STAG1: variants seen among roughly 807,000 people sequenced by gnomAD.
STAG1 encodes the protein STAG1 cohesin complex component.
In STAG1, 26 loss-of-function variants were observed where a neutral mutation model predicts 170.9. The ratio of observed to expected loss-of-function variants is 0.15; its 90% CI spans 0.11 to 0.21. The LOEUF (loss-of-function observed/expected upper bound fraction) is 0.21. Ranked by LOEUF, STAG1 falls within the 10% of genes least tolerant of loss-of-function variation. The probability of loss-of-function intolerance (pLI) is 1.00; values close to 1 mark genes in which losing one functional copy is unlikely to be tolerated. For missense variants in STAG1, 964 were observed against 1,509.5 expected, an observed-to-expected ratio of 0.64 and a Z score of 5.99; for synonymous variants, 514 against 497.7, an observed-to-expected ratio of 1.03 and a Z score of -0.44.
At chr3:136,721,814 C>G (rs1933292732) in intron 1 of STAG1, among the ~76,000 whole-genome samples, 1 of 151,820 alleles carries the variant, frequency 6.6e-6, no homozygotes, top group Admixed American at 6.6e-5. Flanking sequence ...GTCCTAGCTA[C>G]TCGGGAGGCT....
chr3:136,640,736 G>A (rs1306781876), intron 1 of STAG1, among the ~76,000 whole-genome samples: 1 of 148,266 alleles, frequency 6.7e-6, no homozygotes, highest in Non-Finnish European at 1.5e-5. Flanking sequence ...ACAGTGGCGC[G>A]ATTTTGGCTT....
chr3:136,682,487 A>G (rs1206693154), intron 1 of STAG1, among the ~76,000 whole-genome samples: 1 of 150,836 alleles, frequency 6.6e-6, no homozygotes, highest in Admixed American at 6.6e-5. Context: ...AGAGGTGAGA[A>G]AGAGAACTAA....
chr3:136,522,030 C>T (rs1368907625), intron 6 of STAG1, among the ~76,000 whole-genome samples: 1 of 152,150 alleles, frequency 6.6e-6, no homozygotes, highest in African/African-American at 2.4e-5. Context: ...GTTGTGTCAT[C>T]TTGTTTTAAA....
Position 136,398,770 on chromosome 3 carries a change from A to T in STAG1, c.2256T>A (p.Ile752=). The change falls in exon 22 of 34, where the codon ATT becomes ATA. Residue 752 remains isoleucine (I), a synonymous_variant. Transcript: ENST00000383202. ...HYSILWQLVK[I]TDGSPSKEDL... ...TTACTTTGGAAGGAGAGCCATCAGT[A>T]ATTTTCACCAACTGCCAAAGAATCG... The T allele has an allele frequency of 6.2e-7, 1 of 1,604,198 alleles. No homozygotes were observed. The highest frequency in any genetic ancestry group is 8.5e-7 in the Non-Finnish European group (1 of 1,174,478).
chr3:136,589,763 T>C (rs909105976), intron 4 of STAG1, among the ~76,000 whole-genome samples: 1 of 151,126 alleles, frequency 6.6e-6, no homozygotes. Flanking sequence ...AAACGCTGTC[T>C]CTACTAAAAA....
At chr3:136,598,726 C>T (rs972571529) in intron 4 of STAG1, among the ~76,000 whole-genome samples, 5 of 152,080 alleles carry the variant, frequency 3.3e-5, no homozygotes, top group African/African-American at 9.7e-5. Context: ...CGCGCCCGGC[C>T]AATACAAACT....
intron 28 of STAG1, among the ~76,000 whole-genome samples, chr3:136,349,966 C>T (rs1309732919): frequency 6.6e-6 from 1 of 151,908 alleles, no homozygotes; most frequent in Non-Finnish European, 1.5e-5. Context: ...ATCAACCTGG[C>T]ACAACCCTAT....
intron 12 of STAG1, among the ~76,000 whole-genome samples, chr3:136,466,378 C>T (rs575506398): frequency 5.3e-5 from 8 of 152,038 alleles, no homozygotes; most frequent in South Asian, 2.1e-4. Context: ...GTAGCCAATT[C>T]GATCAACTGG....
intron 5 of STAG1, 127 bp from the exon 6 acceptor site, chr3:136,542,322 T>A: frequency 1.5e-6 from 1 of 673,430 alleles, no homozygotes; most frequent in Non-Finnish European, 2.5e-6. Context: ...TATTTTATAT[T>A]AAAACATAAA....
At chr3:136,592,259 G>T (rs1396273988) in intron 4 of STAG1, among the ~76,000 whole-genome samples, 2 of 152,082 alleles carry the variant, frequency 1.3e-5, no homozygotes, top group Non-Finnish European at 2.9e-5. Flanking sequence ...TCATGGGATG[G>T]ACCCAGTAGG....
chr3:136,490,556 C>A (rs1313457328), intron 9 of STAG1, among the ~76,000 whole-genome samples: 1 of 152,010 alleles, frequency 6.6e-6, no homozygotes, highest in Admixed American at 6.6e-5. Flanking sequence ...GATTAAAAAT[C>A]AAATGTCAAA....
At chr3:136,370,345 CTTTTT>C (rs769189953) in intron 23 of STAG1, among the ~76,000 whole-genome samples, 1 of 151,702 alleles carries the variant, frequency 6.6e-6, no homozygotes, top group Non-Finnish European at 1.5e-5. Flanking sequence ...GTATGTGTTT[CTTTTT>C]TTAATTTTAT....
chr3:136,504,653 C>T (rs1387648354), intron 7 of STAG1, among the ~76,000 whole-genome samples: 2 of 152,050 alleles, frequency 1.3e-5, no homozygotes, highest in Admixed American at 6.6e-5. Flanking sequence ...GAAGTGACAC[C>T]CAAAGGAGCT....
intron 16 of STAG1, among the ~76,000 whole-genome samples, chr3:136,428,995 G>A (rs1291462911): frequency 6.6e-6 from 1 of 151,674 alleles, no homozygotes; most frequent in African/African-American, 2.4e-5. Flanking sequence ...AACTAGCTAG[G>A]CGTGGTGGCA....
intron 7 of STAG1, among the ~76,000 whole-genome samples, chr3:136,512,593 T>A (rs1439379617): frequency 6.6e-6 from 1 of 152,164 alleles, no homozygotes; most frequent in African/African-American, 2.4e-5. Flanking sequence ...TTGGTTTGTG[T>A]GAGTGCCCTG....
intron 14 of STAG1, among the ~76,000 whole-genome samples, chr3:136,444,925 A>G (rs1045353852): frequency 9.9e-5 from 15 of 152,026 alleles, no homozygotes; most frequent in Non-Finnish European, 2.9e-5. Flanking sequence ...CACTGGCACA[A>G]TCACGGCTCA....
At chr3:136,719,639 G>A (rs1933094320) in intron 1 of STAG1, among the ~76,000 whole-genome samples, 1 of 128,116 alleles carries the variant, frequency 7.8e-6, no homozygotes. Context: ...GGGTAGGTGG[G>A]TAGGTGGGTA....
chr3:136,690,056 C>CAAAAAAAAAAA (rs57082567), intron 1 of STAG1, among the ~76,000 whole-genome samples: 69 of 56,288 alleles, frequency 1.2e-3, no homozygotes, highest in African/African-American at 2.3e-3. Flanking sequence ...AAAAGCAAAC[C>CAAAAAAAAAAA]AAAAAAAAAA....
At chr3:136,527,816 A>C (rs1380665207) in intron 6 of STAG1, among the ~76,000 whole-genome samples, 1 of 152,112 alleles carries the variant, frequency 6.6e-6, no homozygotes, top group Non-Finnish European at 1.5e-5. Context: ...CAAGACCCTC[A>C]GCTGCAGGTC....
Sources: allele counts gnomAD v4.1 joint callset (sites outside exome capture counted in the v4.1 genomes callset), GRCh38; gene constraint gnomAD v4.1.1; transcripts MANE v1.5; gene names NCBI Gene and HGNC (gene_info 2026-07-23, HGNC 2026-07-21).